The following TNIK variants were observed in gnomAD, a reference collection of about 807,000 sequenced individuals.
The protein encoded by TNIK is TRAF2 and NCK interacting kinase, also known as TRAF2 and NCK-interacting protein kinase.
Under a neutral mutation model 191.3 loss-of-function variants are expected in TNIK, and 49 were observed. The ratio of observed to expected loss-of-function variants is 0.26; its 90% CI spans 0.20 to 0.32. The LOEUF is 0.32. TNIK is among the 10% of genes least tolerant of loss of function. The pLI is 1.00. For missense variants in TNIK, 1,155 were observed against 1,702.3 expected (o/e 0.68, Z 5.66); for synonymous variants, 594 against 600.9 (o/e 0.99, Z 0.17).
chr3:171,089,222 G>A (rs1224905919), intron 23 of TNIK, among the ~76,000 whole-genome samples: 1 of 152,104 alleles, frequency 6.6e-6, no homozygotes, highest in Non-Finnish European at 1.5e-5. Flanking sequence ...AACATTTTCT[G>A]GATTCATTTT....
intron 15 of TNIK, among the ~76,000 whole-genome samples, chr3:171,137,396 A>C (rs1264535869): frequency 6.6e-6 from 1 of 152,114 alleles, no homozygotes; most frequent in African/African-American, 2.4e-5. Context: ...ATCACCATAA[A>C]ATAAAGGAAA....
chr3:171,205,325 T>C (rs1007063914), intron 4 of TNIK, among the ~76,000 whole-genome samples: 25 of 152,214 alleles, frequency 1.6e-4, no homozygotes, highest in African/African-American at 4.8e-4. Flanking sequence ...TATCTTCATC[T>C]TTGGTAAGAA....
intron 2 of TNIK, among the ~76,000 whole-genome samples, chr3:171,331,194 G>A (rs1449271988): frequency 6.6e-6 from 1 of 152,160 alleles, no homozygotes; most frequent in Non-Finnish European, 1.5e-5. Flanking sequence ...TCTGAGTGAA[G>A]AAAGGGGCCC....
At chr3:171,262,561 A>G (rs1455604827) in intron 2 of TNIK, among the ~76,000 whole-genome samples, 1 of 152,226 alleles carries the variant, frequency 6.6e-6, no homozygotes, top group Non-Finnish European at 1.5e-5. Context: ...GCCCATTCCT[A>G]ATCTTGGAGT....
chr3:171,231,897 C>T (rs1204108174), intron 2 of TNIK, among the ~76,000 whole-genome samples: 2 of 152,180 alleles, frequency 1.3e-5, no homozygotes, highest in African/African-American at 4.8e-5. Context: ...CTCCATCCCA[C>T]TTCTACCATC....
At chr3:171,256,159 G>C (rs1390900632) in intron 2 of TNIK, among the ~76,000 whole-genome samples, 1 of 152,092 alleles carries the variant, frequency 6.6e-6, no homozygotes, top group Non-Finnish European at 1.5e-5. Context: ...TGTTGTTTCG[G>C]GGTTTTTCCA....
At chr3:171,304,868 G>A (rs1444133998) in intron 2 of TNIK, among the ~76,000 whole-genome samples, 2 of 152,018 alleles carry the variant, frequency 1.3e-5, no homozygotes, top group Non-Finnish European at 2.9e-5. Context: ...TGGGGTGGGG[G>A]GAGTGGGGAA....
chr3:171,220,291 A>G (rs1326644707), intron 3 of TNIK, among the ~76,000 whole-genome samples: 2 of 152,158 alleles, frequency 1.3e-5, no homozygotes, highest in African/African-American at 2.4e-5. Context: ...CACCTAATGT[A>G]GATGACAGGT....
chr3:171,120,212 A>G (rs1392762683), intron 18 of TNIK, among the ~76,000 whole-genome samples: 1 of 152,228 alleles, frequency 6.6e-6, no homozygotes, highest in African/African-American at 2.4e-5. Flanking sequence ...TGCAGTTACT[A>G]GAAAACATCT....
chr3:171,262,289 C>T (rs1480940963), intron 2 of TNIK, among the ~76,000 whole-genome samples: 1 of 151,960 alleles, frequency 6.6e-6, no homozygotes, highest in Non-Finnish European at 1.5e-5. Context: ...CATCACATCA[C>T]ACCCCACCCC....
chr3:171,196,816 G>A (rs73043050), intron 4 of TNIK, among the ~76,000 whole-genome samples: 12,507 of 151,972 alleles, frequency 0.082, 1,714 homozygotes, highest in African/African-American at 0.29. Context: ...CCAGGCTGGC[G>A]CGATCTCGGC....
chr3:171,137,007 G>A (rs2108617383), intron 15 of TNIK, among the ~76,000 whole-genome samples: 1 of 148,778 alleles, frequency 6.7e-6, no homozygotes, highest in South Asian at 2.2e-4. Context: ...CACACACTTA[G>A]TTTAACTTTT....
At chr3:171,444,099 C>T (rs1727180614) in intron 1 of TNIK, among the ~76,000 whole-genome samples, 1 of 152,188 alleles carries the variant, frequency 6.6e-6, no homozygotes, top group African/African-American at 2.4e-5. Context: ...TGCACGCTCA[C>T]TATCAGTTGT....
At chr3:171,272,585 A>G (rs1749246845) in intron 2 of TNIK, among the ~76,000 whole-genome samples, 1 of 152,154 alleles carries the variant, frequency 6.6e-6, no homozygotes, top group African/African-American at 2.4e-5. Context: ...CTGTCTTCAA[A>G]TTCACAGATT....
intron 2 of TNIK, among the ~76,000 whole-genome samples, chr3:171,276,190 A>G (rs773078867): frequency 2.0e-5 from 3 of 152,210 alleles, no homozygotes; most frequent in Admixed American, 6.5e-5. Flanking sequence ...ACATTTTTAA[A>G]CATTCAAAGA....
chr3:171,177,873 T>G (rs1736147480), intron 7 of TNIK, among the ~76,000 whole-genome samples: 1 of 152,214 alleles, frequency 6.6e-6, no homozygotes, highest in Admixed American at 6.5e-5. Flanking sequence ...CCCACTCTCC[T>G]GTCCCTAGGC....
At chr3:171,111,609 G>T (rs1054833696) in intron 18 of TNIK, among the ~76,000 whole-genome samples, 1 of 152,042 alleles carries the variant, frequency 6.6e-6, no homozygotes, top group Non-Finnish European at 1.5e-5. Context: ...TGAAGGTTCC[G>T]CAAAAGACTA....
chr3:171,451,358 T>A (rs1728153963), intron 1 of TNIK, among the ~76,000 whole-genome samples: 1 of 152,216 alleles, frequency 6.6e-6, no homozygotes, highest in African/African-American at 2.4e-5. Context: ...TGGAAAGAGA[T>A]CCTCCAGCTC....
intron 29 of TNIK, among the ~76,000 whole-genome samples, chr3:171,070,696 A>G (rs921109588): frequency 6.6e-6 from 1 of 152,204 alleles, no homozygotes; most frequent in Admixed American, 6.5e-5. Flanking sequence ...AGACAAGGTA[A>G]AAAAATGAAA....
Sources: gnomAD v4.1 joint callset for allele counts (sites outside exome capture counted in the v4.1 genomes callset) on GRCh38, gnomAD v4.1.1 for gene constraint, MANE v1.5 for transcripts, NCBI Gene and HGNC (gene_info 2026-07-23, HGNC 2026-07-21) for gene names.